FBXW5: variants seen among roughly 807,000 people sequenced by gnomAD.
The protein encoded by FBXW5 is F-box/WD repeat-containing protein 5.
Under a neutral mutation model 50.9 loss-of-function variants are expected in FBXW5, and 74 were observed. The observed-to-expected ratio is 1.45, with a 90% confidence interval of 1.20 to 1.76. The LOEUF is 1.76. Among genes scored for constraint, FBXW5 ranks in the 40% most tolerant of loss-of-function variants. The pLI, the probability that FBXW5 is intolerant of heterozygous loss-of-function variation, is 0.00. For missense variants in FBXW5, 1,073 were observed against 818.8 expected (o/e 1.31, Z -3.79); for synonymous variants, 523 against 362.2 (o/e 1.44, Z -5.04).
At chr9:136,944,390 G>GTCC in intron 1 of FBXW5, 1 of 719,372 alleles carries the variant, frequency 1.4e-6, no homozygotes, top group African/African-American at 1.9e-5. Context: ...GACACCAGGC[G>GTCC]CCGTCCGGGG....
At chr9:136,944,537 G>A (rs1472949518) in intron 1 of FBXW5, 57 bp downstream of exon 1, 2 of 983,870 alleles carry the variant, frequency 2.0e-6, no homozygotes, top group East Asian at 2.3e-4. Flanking sequence ...TCCTGCACTC[G>A]CCCAAGGCGG....
chr9:136,944,310 G>C, intron 1 of FBXW5: 1 of 601,108 alleles, frequency 1.7e-6, no homozygotes, highest in East Asian at 4.0e-5. Context: ...GTCATCCCCC[G>C]GCCTCCTGCG....
chr9:136,944,337 C>A, intron 1 of FBXW5: 1 of 610,078 alleles, frequency 1.6e-6, no homozygotes. Context: ...AGCGGGCGCC[C>A]CTCAGCCCGC....
chr9:136,943,980 T>TGGCGGCACACCAGCCC lies in FBXW5; in HGVS notation c.88_103dup (p.Gln35ArgfsTer49). On this transcript the variant is annotated frameshift_variant, in exon 2 of 9. Transcript: ENST00000325285. LOFTEE classifies it high-confidence loss of function. The stretch of plus-strand genomic sequence containing the variant: ...CTCGTCCCGCGACACGGCCTGCCAT[T>TGGCGGCACACCAGCCC]GGCGGCACACCAGCCCGGCGGCCAG... 1 of 1,582,176 alleles carries TGGCGGCACACCAGCCC rather than the reference T, an allele frequency of 6.3e-7. No individual in the cohort carries two copies. Among genetic ancestry groups the TGGCGGCACACCAGCCC allele is most frequent in the South Asian group, 1.2e-5 (1 of 86,756 alleles).
intron 3 of FBXW5, 134 bp from the exon 4 acceptor site, chr9:136,943,077 A>C: frequency 2.2e-6 from 3 of 1,369,302 alleles, no homozygotes; most frequent in Non-Finnish European, 3.1e-6. Context: ...CCTTCCAGCC[A>C]CTGTCATCCA....
Position 136,942,392 on chromosome 9 carries a change from G to A in FBXW5, c.750C>T (p.Arg250=). The change falls in exon 6 of 9, where the codon CGC becomes CGT. Residue 250 remains arginine (R), a synonymous_variant. Coordinates refer to ENST00000325285, the MANE Select transcript of FBXW5 (RefSeq NM_018998.4). ...GGCTGCAGTCGGCCACCATCACCGT[G>A]CGGACGGTGCTGGCATTGAGGTTCT... ...KIQNLNASTV[R]TVMVADCSRF... 1.2e-6 allele frequency: 2 copies of A among 1,611,312 alleles called. No individual in the cohort carries two copies. Among genetic ancestry groups the A allele is most frequent in the Non-Finnish European group, 1.7e-6 (2 of 1,178,946 alleles).
chr9:136,944,526 C>A, intron 1 of FBXW5, 68 bp downstream of exon 1: 2 of 984,262 alleles, frequency 2.0e-6, no homozygotes, highest in Non-Finnish European at 2.4e-6. Flanking sequence ...GGCCTCGGGG[C>A]TCCTGCACTC....
At chr9:136,942,520 C>CAGCCCCGCCCCT (rs775784147) in intron 5 of FBXW5, 27 bp downstream of exon 5, 9 of 1,601,070 alleles carry the variant, frequency 5.6e-6, no homozygotes, top group East Asian at 4.5e-5. Context: ...CCCAGGAGGG[C>CAGCCCCGCCCCT]AGCCCCGCCC....
At position 136,942,527 on chromosome 9, in the gene FBXW5, G is replaced by A. The variant is rs374701980; in HGVS notation, c.675+20C>T. On this transcript the variant is annotated intron_variant, in intron 5 of 8. Transcript: ENST00000325285. ...CGCCAGGCCCCAGGAGGGCAGCCCC[G>A]CCCCTAGCCCCGCACGCACCTGGAA... is the stretch of plus-strand genomic sequence containing the variant. The A allele has an allele frequency of 1.1e-4, 170 of 1,602,962 alleles. No homozygotes were observed. The highest frequency in any genetic ancestry group is 1.7e-4 in the Middle Eastern group (1 of 6,060).
In FBXW5 at chr9:136,942,883, A is replaced by G. The variant is rs1291926874; in HGVS notation, c.412T>C (p.Trp138Arg). Residue 138 changes from tryptophan (W) to arginine (R), a missense_variant, in exon 4 of 9, where the codon TGG (tryptophan) becomes CGG (arginine). Physicochemically the swap from Trp to Arg is moderately radical, Grantham distance 101 (BLOSUM62 -3). Transcript: ENST00000325285. ...AACTGGGAGAACTGGGTGTAGCTCC[A>G]GTTGTAGGGCCGCATGTCCGCGCTG... ...LHSADMRPYN[W>R]SYTQFSQFNK... 11 of 1,613,386 alleles carry G rather than the reference A, an allele frequency of 6.8e-6. No individual in the cohort carries two copies. The highest frequency in any genetic ancestry group is 8.5e-6 in the Non-Finnish European group (10 of 1,179,932).
Position 136,944,630 on chromosome 9 carries a change from G to A in FBXW5, c.-60C>T. 1 of 984,556 alleles carries A rather than the reference G, an allele frequency of 1.0e-6. No homozygotes were observed. Among genetic ancestry groups the A allele is most frequent in the Non-Finnish European group, 1.2e-6 (1 of 829,258 alleles). The allele number at this position is 984,556 out of a possible 1,614,324, so 61.0% of individuals were successfully genotyped here. On this transcript the variant is annotated 5_prime_UTR_variant, in exon 1 of 9. Coordinates refer to ENST00000325285, the MANE Select transcript of FBXW5 (RefSeq NM_018998.4). ...CCGCCCGCTGCGCCGCCCCCGCCCT[G>A]CGCGACCCGGACCCGCTTCCGCTGC...
At chr9:136,944,247 C>A in intron 1 of FBXW5, 141 bp from the exon 2 acceptor site, 1 of 966,958 alleles carries the variant, frequency 1.0e-6, no homozygotes. Flanking sequence ...GTACCGCCGC[C>A]CAACCAAGGA....
Position 136,942,122 on chromosome 9 carries a change from C to T in FBXW5, c.1020G>A (p.Glu340=), listed in dbSNP as rs779106804. Residue 340 remains glutamate (E), a synonymous_variant, in exon 6 of 9, where the codon GAG becomes GAA. Transcript: ENST00000325285. ...LLAQGHTKPP[E]RSATGAKSKY... is the part of the protein sequence containing the mutation. The stretch of plus-strand genomic sequence containing the variant: ...TGCTCTTGGCGCCTGTGGCACTGCG[C>T]TCGGGTGGCTTGGTGTGGCCCTGGG... 6.2e-7 allele frequency: 1 copy of T among 1,612,122 alleles called. No individual in the cohort carries two copies. Among genetic ancestry groups the T allele is most frequent in the East Asian group, 2.2e-5 (1 of 44,828 alleles).
chr9:136,943,284 G>C, intron 3 of FBXW5, 65 bp downstream of exon 3: 2 of 1,550,088 alleles, frequency 1.3e-6, no homozygotes, highest in Non-Finnish European at 1.8e-6. Context: ...GGAACGCCTG[G>C]GTCCTGGGAC....
rs534063619 is a variant in FBXW5, at chr9:136,940,516, C to T, written c.*412G>A. Reference sequence around the variant, plus strand: ...ACACTCGGGCCCACAGCAGCGTGACCGGCCGCTCCCAAGCCCCGGGCGCAC... The same window carrying T: ...ACACTCGGGCCCACAGCAGCGTGACTGGCCGCTCCCAAGCCCCGGGCGCAC... On this transcript the variant is annotated 3_prime_UTR_variant, in exon 9 of 9. Transcript: ENST00000325285. 20 of 258,670 alleles carry T rather than the reference C, an allele frequency of 7.7e-5. No individual in the cohort carries two copies. Among genetic ancestry groups the T allele is most frequent in the Non-Finnish European group, 1.2e-4 (15 of 130,132 alleles). The allele number at this position is 258,670 out of a possible 1,614,324, so 16.0% of individuals were successfully genotyped here.
Position 136,942,856 on chromosome 9 carries a change from TGAACTGGGA to T in FBXW5, c.430_438del (p.Ser144_Phe146del). ...GCCAGCAGTAGCGAGTCGTCCTTGT[TGAACTGGGA>T]GAACTGGGTGTAGCTCCAGTTGTAG... On this transcript the variant is annotated inframe_deletion, in exon 4 of 9. Coordinates refer to ENST00000325285, the MANE Select transcript of FBXW5 (RefSeq NM_018998.4). 1 of 1,613,544 alleles carries T rather than the reference TGAACTGGGA, an allele frequency of 6.2e-7. No individual in the cohort carries two copies. The highest frequency in any genetic ancestry group is 1.1e-5 in the South Asian group (1 of 91,090).
Position 136,941,413 on chromosome 9 carries a change from T to C in FBXW5, c.1295A>G (p.Asp432Gly). 2 of 1,610,242 alleles carry C rather than the reference T, an allele frequency of 1.2e-6. No homozygotes were observed. Among genetic ancestry groups the C allele is most frequent in the Middle Eastern group, 1.6e-4 (1 of 6,062 alleles). ...CGCGATTGGTGGCGGCTGCATGGGG[T>C]CGGCCACCACCGCACCGTTGGGCCA... Reference protein sequence around the residue: ...RAWPNGAVVADPMQPPPIAEE... With the variant: ...RAWPNGAVVAGPMQPPPIAEE... Residue 432 changes from aspartate to glycine, a missense_variant, in exon 8 of 9, where the codon GAC becomes GGC. Asp to Gly is a moderately conservative substitution (Grantham distance 94). Transcript: ENST00000325285.
Position 136,944,651 on chromosome 9 carries a change from GCTGCCGCAGCCGCTCGGA to G in FBXW5, c.-99_-82del. 3.0e-6 allele frequency: 3 copies of G among 984,996 alleles called. No individual in the cohort carries two copies. Among genetic ancestry groups the G allele is most frequent in the Non-Finnish European group, 3.6e-6 (3 of 829,474 alleles). 61.0% of individuals were successfully genotyped at this position (984,996 alleles called of 1,614,324 possible). On this transcript the variant is annotated 5_prime_UTR_variant, in exon 1 of 9. Coordinates refer to ENST00000325285, the MANE Select transcript of FBXW5 (RefSeq NM_018998.4). ...CCCTGCGCGACCCGGACCCGCTTCC[GCTGCCGCAGCCGCTCGGA>G]CCGCCGCCCCCGCCCAACGGGGAGC...
chr9:136,941,610 A>C lies in FBXW5; in HGVS notation c.1171T>G (p.Phe391Val), dbSNP rs34563315. The part of the protein sequence containing the change: ...VLGEGRGSDA[F>V]FDALDHVIDI... ...ATGACGTGGTCCAGCGCGTCGAAGAAGGCATCGGAGCCCCGGCCCTCACCC... is the reference window on the plus strand; with the variant it reads ...ATGACGTGGTCCAGCGCGTCGAAGACGGCATCGGAGCCCCGGCCCTCACCC... Residue 391 changes from phenylalanine to valine, a missense_variant, in exon 7 of 9, where the codon TTC becomes GTC. By Grantham distance (50) the Phe-to-Val change is conservative. Coordinates refer to ENST00000325285, the MANE Select transcript of FBXW5 (RefSeq NM_018998.4). The C allele has an allele frequency of 3.0e-4, 477 of 1,593,674 alleles. No individual in the cohort carries two copies. Among genetic ancestry groups the C allele is most frequent in the Admixed American group, 4.7e-4 (27 of 57,142 alleles).
Sources: gnomAD v4.1 joint callset for allele counts on GRCh38, gnomAD v4.1.1 for gene constraint, MANE v1.5 for transcripts, NCBI Gene and HGNC (gene_info 2026-07-23, HGNC 2026-07-21) for gene names.